L3MBTL4: variants seen among roughly 807,000 people sequenced by gnomAD.
L3MBTL4 encodes lethal(3)malignant brain tumor-like protein 4.
In L3MBTL4, 70 loss-of-function variants were observed where a neutral mutation model predicts 84.5. The ratio of observed to expected loss-of-function variants is 0.83; its 90% CI spans 0.68 to 1.01. The LOEUF is 1.01. Among genes scored for constraint, L3MBTL4 ranks in the 50% least tolerant of loss-of-function variants. The probability of loss-of-function intolerance (pLI) is 0.00; values close to 1 mark genes in which losing one functional copy is unlikely to be tolerated. For missense variants in L3MBTL4, 715 were observed against 754.8 expected, an observed-to-expected ratio of 0.95 and a Z score of 0.62; for synonymous variants, 274 against 259.8, an observed-to-expected ratio of 1.05 and a Z score of -0.52.
Position 6,103,722 on chromosome 18 carries a change from C to T in L3MBTL4, c.1200-10194G>A, listed in dbSNP as rs922152037. Among the ~76,000 whole-genome samples, 4 of 152,104 alleles carry T rather than the reference C, an allele frequency of 2.6e-5. No individual in the cohort carries two copies. The South Asian group carries it at 6.2e-4, about 24-fold the overall frequency. On this transcript the variant is annotated intron_variant, in intron 14 of 18. Transcript: ENST00000317931. ...ACATAGGTATATATTTATGTATACC[C>T]GCAAGCATCTAACCTGTGTGTTAAA... is the stretch of plus-strand genomic sequence containing the variant.
At chr18:6,082,707 G>T (rs2058120074) in intron 15 of L3MBTL4, among the ~76,000 whole-genome samples, 1 of 151,912 alleles carries the variant, frequency 6.6e-6, no homozygotes. Flanking sequence ...AACTTTTATG[G>T]GTATTTTAAA....
intron 14 of L3MBTL4, among the ~76,000 whole-genome samples, chr18:6,137,053 A>T (rs2060048241): frequency 6.6e-6 from 1 of 152,096 alleles, no homozygotes; most frequent in African/African-American, 2.4e-5. Flanking sequence ...TTGCTCAAAA[A>T]CTTGCTTTGG....
intron 18 of L3MBTL4, among the ~76,000 whole-genome samples, chr18:5,956,707 G>A (rs1018851560): frequency 6.6e-6 from 1 of 152,178 alleles, no homozygotes; most frequent in Non-Finnish European, 1.5e-5. Flanking sequence ...TGTATCAAGA[G>A]CCTTAAAACC....
chr18:6,199,418 G>C (rs1467939723), intron 12 of L3MBTL4, among the ~76,000 whole-genome samples: 1 of 152,224 alleles, frequency 6.6e-6, no homozygotes, highest in Non-Finnish European at 1.5e-5. Flanking sequence ...GCCACATGCA[G>C]CGAGTGGCCA....
rs865821467 is a variant in L3MBTL4 at position 6,346,740 on chromosome 18, T to C, written c.-90-34684A>G. 1.9e-4 allele frequency among the ~76,000 whole-genome samples: 29 copies of C among 152,204 alleles called. No homozygotes were observed. The Middle Eastern group carries it at 0.01, about 54-fold the overall frequency. ...AGAAAAGGGAACCCTTGTATACAAT[T>C]GGTGGGAATGTATGAAAAGCAGCAT... is the stretch of plus-strand genomic sequence containing the variant. On this transcript the variant is annotated intron_variant, in intron 1 of 18. Transcript: ENST00000317931.
intron 15 of L3MBTL4, among the ~76,000 whole-genome samples, chr18:6,087,805 T>C (rs901739716): frequency 2.0e-5 from 3 of 152,224 alleles, no homozygotes; most frequent in Non-Finnish European, 2.9e-5. Flanking sequence ...ATTATTTCAA[T>C]AGTCTCTTCT....
intron 16 of L3MBTL4, among the ~76,000 whole-genome samples, chr18:5,978,500 T>C (rs1285301624): frequency 6.6e-6 from 1 of 152,172 alleles, no homozygotes; most frequent in Non-Finnish European, 1.5e-5. Context: ...GGAGACACCA[T>C]AACTGAAGGA....
chr18:6,014,105 T>A (rs1394113613), intron 16 of L3MBTL4, among the ~76,000 whole-genome samples: 1 of 152,194 alleles, frequency 6.6e-6, no homozygotes, highest in Non-Finnish European at 1.5e-5. Flanking sequence ...CTTTGGTAAA[T>A]GAAAATCAAT....
At position 6,375,720 on chromosome 18, in the gene L3MBTL4, A is replaced by T. The variant is rs117410630; in HGVS notation, c.-91+39081T>A. On this transcript the variant is annotated intron_variant, in intron 1 of 18. Coordinates refer to ENST00000317931, the MANE Select transcript of L3MBTL4 (RefSeq NM_001330559.2). The stretch of plus-strand genomic sequence containing the variant: ...CAATGGCTTAACTGCAACAGTCAGG[A>T]TGAGAAATAGAGAAGAACCCAAAAA... Among the ~76,000 whole-genome samples the T allele has an allele frequency of 4.8e-3, 729 of 152,244 alleles. 4 individuals carry two copies. Among genetic ancestry groups the T allele is most frequent in the Non-Finnish European group, 7.8e-3 (533 of 68,010 alleles).
chr18:6,138,160 A>T (rs1260194913), intron 14 of L3MBTL4, 34 bp downstream of exon 14: 1 of 1,415,448 alleles, frequency 7.1e-7, no homozygotes, highest in South Asian at 1.2e-5. Flanking sequence ...GTTTCCATTC[A>T]TCCAGGAAAT....
intron 16 of L3MBTL4, among the ~76,000 whole-genome samples, chr18:6,065,037 T>C (rs1272262024): frequency 6.6e-6 from 1 of 152,026 alleles, no homozygotes; most frequent in Non-Finnish European, 1.5e-5. Context: ...TATGTGTATT[T>C]TTTTGAGGGT....
Position 6,168,961 on chromosome 18 carries a change from T to C in L3MBTL4, c.1096+2867A>G, listed in dbSNP as rs1399310509. ...AAGGGCTAATATCCAGAATCTACAA[T>C]GAACTCCAACAAATTTACAAGAAAA... is the stretch of plus-strand genomic sequence containing the variant. On this transcript the variant is annotated intron_variant, in intron 13 of 18. Coordinates refer to ENST00000317931, the MANE Select transcript of L3MBTL4 (RefSeq NM_001330559.2). Among the ~76,000 whole-genome samples the C allele has an allele frequency of 2.0e-5, 3 of 151,934 alleles. No homozygotes were observed. In the South Asian group the frequency reaches 6.2e-4, roughly 32 times the overall value.
rs1443551516 is a variant in L3MBTL4 at position 6,034,776 on chromosome 18, T to A, written c.1444+46105A>T. ...TACAGTCCCACCAACAGTGTAAAAG[T>A]GTTCCTATTTCTCCACATCCTCTCC... On this transcript the variant is annotated intron_variant, in intron 16 of 18. Coordinates refer to ENST00000317931, the MANE Select transcript of L3MBTL4 (RefSeq NM_001330559.2). Among the ~76,000 whole-genome samples, 6 of 151,788 alleles carry A rather than the reference T, an allele frequency of 4.0e-5. No individual in the cohort carries two copies. The East Asian group carries it at 1.2e-3, about 30-fold the overall frequency.
chr18:6,227,280 G>A (rs951707336), intron 10 of L3MBTL4, among the ~76,000 whole-genome samples: 1 of 152,108 alleles, frequency 6.6e-6, no homozygotes, highest in African/African-American at 2.4e-5. Context: ...ACACTCAACC[G>A]ACTTGAACTA....
chr18:6,129,368 C>CTCTCTGTGTGTGTGTG (rs1555663722), intron 14 of L3MBTL4, among the ~76,000 whole-genome samples: 1 of 138,226 alleles, frequency 7.2e-6, no homozygotes, highest in East Asian at 2.1e-4. Flanking sequence ...GGAATTCTCT[C>CTCTCTGTGTGTGTGTG]TGTGTGTGTG....
chr18:6,405,607 C>T (rs572768223), intron 1 of L3MBTL4, among the ~76,000 whole-genome samples: 38 of 140,196 alleles, frequency 2.7e-4, no homozygotes, highest in Non-Finnish European at 4.6e-4. Flanking sequence ...GAAATGAGCC[C>T]GAGGGCCCAC....
chr18:5,989,588 A>G (rs2053600472), intron 16 of L3MBTL4, among the ~76,000 whole-genome samples: 1 of 152,188 alleles, frequency 6.6e-6, no homozygotes, highest in South Asian at 2.1e-4. Context: ...CAACCAACCC[A>G]CCCACCCAAT....
At chr18:6,232,774 G>A (rs2047049936) in intron 10 of L3MBTL4, among the ~76,000 whole-genome samples, 1 of 151,650 alleles carries the variant, frequency 6.6e-6, no homozygotes, top group Non-Finnish European at 1.5e-5. Context: ...GTTTATGGAG[G>A]ATACTCTGAA....
chr18:6,210,021 TA>T, intron 12 of L3MBTL4, among the ~76,000 whole-genome samples: 1 of 152,136 alleles, frequency 6.6e-6, no homozygotes, highest in Non-Finnish European at 1.5e-5. Flanking sequence ...AGGTGGCTGC[TA>T]ATGGGTACAA....
Sources: gnomAD v4.1 joint callset for allele counts (sites outside exome capture counted in the v4.1 genomes callset) on GRCh38, gnomAD v4.1.1 for gene constraint, MANE v1.5 for transcripts, NCBI Gene and HGNC (gene_info 2026-07-23, HGNC 2026-07-21) for gene names.